The following NWD1 variants were observed in gnomAD, a reference collection of about 807,000 sequenced individuals.
The protein encoded by NWD1 is NACHT and WD repeat domain containing 1, also known as NACHT domain- and WD repeat-containing protein 1.
A neutral mutation model predicts 135.1 loss-of-function variants in NWD1; 129 were observed. The ratio of observed to expected loss-of-function variants is 0.96; its 90% CI spans 0.83 to 1.11. The LOEUF (loss-of-function observed/expected upper bound fraction) is 1.11. Among genes scored for constraint, NWD1 ranks in the 50% least tolerant of loss-of-function variants. The pLI, the probability that NWD1 is intolerant of heterozygous loss-of-function variation, is 0.00. For missense variants in NWD1, 1,740 were observed against 1,851.3 expected, an observed-to-expected ratio of 0.94 and a Z score of 1.10; for synonymous variants, 773 against 786.0, an observed-to-expected ratio of 0.98 and a Z score of 0.28.
At position 16,807,725 on chromosome 19, in the gene NWD1, C is replaced by A. The variant is rs755347777; in HGVS notation, c.3876C>A (p.Cys1292Ter). 1.2e-6 allele frequency: 2 copies of A among 1,613,388 alleles called. No individual in the cohort carries two copies. Among genetic ancestry groups the A allele is most frequent in the Non-Finnish European group, 1.7e-6 (2 of 1,179,614 alleles). ...FPLNSRQDVI[C>*]IPPPEARKAI... ...TGAATTCCAGGCAGGACGTGATATG[C>A]ATTCCCCCTCCCGAGGCCCGGAAAG... is the stretch of plus-strand genomic sequence containing the variant. The change falls in exon 18 of 19, where the codon TGC becomes TGA. Residue 1292 changes from cysteine to a stop codon, truncating the protein, a stop_gained. Transcript: ENST00000524140. LOFTEE classifies it high-confidence loss of function.
intron 1 of NWD1, among the ~76,000 whole-genome samples, chr19:16,721,851 C>T (rs983280119): frequency 2.3e-4 from 35 of 152,116 alleles, no homozygotes; most frequent in Non-Finnish European, 3.5e-4. Context: ...TGGCTCATGC[C>T]TCTAATCCCA....
chr19:16,742,737 C>G (rs1330170531), intron 4 of NWD1, among the ~76,000 whole-genome samples: 1 of 151,954 alleles, frequency 6.6e-6, no homozygotes, highest in South Asian at 2.1e-4. Flanking sequence ...ATGGCGCAAT[C>G]TCGGCTCACC....
At chr19:16,797,695 G>A in intron 15 of NWD1, 37 bp from the exon 16 acceptor site, 3 of 1,596,098 alleles carry the variant, frequency 1.9e-6, no homozygotes, top group Non-Finnish European at 2.6e-6. Context: ...ATCTCCTCTG[G>A]ACATGAGAGG....
At position 16,749,882 on chromosome 19, in the gene NWD1, G is replaced by T; in HGVS notation, c.1240G>T (p.Val414Phe). The change falls in exon 6 of 19, where the codon GTC becomes TTC. Residue 414 changes from valine (V) to phenylalanine (F), a missense_variant. Physicochemically the swap from Val to Phe is conservative, Grantham distance 50. Transcript: ENST00000524140. ...GGTTCTGGACGCCCACACCAGGGTG[G>T]TCCAGTTTTTCCATACCCTCCTCCA... ...AQVLDAHTRV[V>F]QFFHTLLHTV... 1 of 1,613,492 alleles carries T rather than the reference G, an allele frequency of 6.2e-7. No homozygotes were observed. Among genetic ancestry groups the T allele is most frequent in the Admixed American group, 1.7e-5 (1 of 60,008 alleles).
intron 17 of NWD1, chr19:16,801,631 A>C (rs1970604794): frequency 6.7e-6 from 1 of 148,186 alleles, no homozygotes; most frequent in African/African-American, 2.5e-5. Flanking sequence ...TGGTAGGATC[A>C]CTTGAGCCCA....
intron 2 of NWD1, among the ~76,000 whole-genome samples, chr19:16,729,772 G>T (rs1967481296): frequency 6.6e-6 from 1 of 151,856 alleles, no homozygotes; most frequent in Non-Finnish European, 1.5e-5. Context: ...AGGAGGCTGA[G>T]GCAGGAGAAT....
At chr19:16,812,639 A>T in intron 18 of NWD1, 1 of 732,380 alleles carries the variant, frequency 1.4e-6, no homozygotes, top group Non-Finnish European at 2.5e-6. Context: ...ACTGCACTCC[A>T]GCCTGGGCAA....
chr19:16,779,464 A>C lies in NWD1; in HGVS notation c.2730A>C (p.Thr910=), dbSNP rs1434881340. The part of the protein sequence containing the change: ...QHVIHMLTGH[T]GEVRCVKIFA... The stretch of plus-strand genomic sequence containing the variant: ...TGATCCACATGCTAACTGGACACAC[A>C]GGTGAGACTTGGGAAGTGGGCTTTG... Residue 910 remains threonine (T), a splice_region_variant and synonymous_variant, in exon 12 of 19, where the codon ACA becomes ACC. Transcript: ENST00000524140. The C allele has an allele frequency of 6.2e-7, 1 of 1,612,872 alleles. No homozygotes were observed. Among genetic ancestry groups the C allele is most frequent in the Admixed American group, 1.7e-5 (1 of 60,002 alleles).
chr19:16,797,232 C>CA (rs1470755096), intron 15 of NWD1, among the ~76,000 whole-genome samples: 1 of 151,778 alleles, frequency 6.6e-6, no homozygotes, highest in African/African-American at 2.4e-5. Flanking sequence ...CTCCCCCAAC[C>CA]AGCTGTGGGC....
Position 16,762,210 on chromosome 19 carries a change from C to A in NWD1, c.2133+72C>A. ...CCTGGCATTGCTCACCTCCTTCCTT[C>A]CCCTTTTTGCACTCGAAATGTCCTC... On this transcript the variant is annotated intron_variant, in intron 8 of 18. Transcript: ENST00000524140. 4 of 1,415,582 alleles carry A rather than the reference C, an allele frequency of 2.8e-6. No homozygotes were observed. The Admixed American group carries it at 7.8e-5, about 28-fold the overall frequency. 87.7% of individuals were successfully genotyped at this position (1,415,582 alleles called of 1,614,324 possible).
At chr19:16,761,922 C>T in intron 7 of NWD1, 57 bp from the exon 8 acceptor site, 1 of 1,472,722 alleles carries the variant, frequency 6.8e-7, no homozygotes, top group South Asian at 1.2e-5. Flanking sequence ...AGACAAGCAG[C>T]CACCTTTGAG....
At chr19:16,800,204 T>C in intron 17 of NWD1, 42 bp downstream of exon 17, 1 of 1,535,578 alleles carries the variant, frequency 6.5e-7, no homozygotes, top group African/African-American at 1.4e-5. Context: ...GGGTAAGGCT[T>C]GGAGCCATCT....
At chr19:16,743,783 A>G (rs780187684) in intron 4 of NWD1, among the ~76,000 whole-genome samples, 8 of 152,012 alleles carry the variant, frequency 5.3e-5, no homozygotes, top group Non-Finnish European at 8.8e-5. Context: ...CCCGGGTTCA[A>G]GCAATTCTCC....
intron 7 of NWD1, among the ~76,000 whole-genome samples, chr19:16,760,588 A>T (rs1472895108): frequency 2.6e-5 from 4 of 151,056 alleles, no homozygotes; most frequent in Non-Finnish European, 5.9e-5. Context: ...TTATTTATTT[A>T]ATTTTATTTT....
intron 6 of NWD1, among the ~76,000 whole-genome samples, chr19:16,758,999 G>T (rs1968899117): frequency 1.5e-5 from 1 of 67,398 alleles, no homozygotes; most frequent in African/African-American, 7.1e-5. Context: ...GTGAAACTCT[G>T]TCTCAAAAAA....
At chr19:16,799,491 G>A (rs1047958527) in intron 16 of NWD1, among the ~76,000 whole-genome samples, 2 of 151,758 alleles carry the variant, frequency 1.3e-5, no homozygotes, top group Middle Eastern at 3.2e-3. Flanking sequence ...ACTGCACCTG[G>A]CCTATTTATT....
At chr19:16,771,235 TG>T (rs1356167957) in intron 10 of NWD1, among the ~76,000 whole-genome samples, 4 of 152,200 alleles carry the variant, frequency 2.6e-5, no homozygotes, top group Non-Finnish European at 5.9e-5. Context: ...GCAGATTGCT[TG>T]AGGCCAGGAG....
intron 10 of NWD1, among the ~76,000 whole-genome samples, chr19:16,772,067 T>C (rs368521595): frequency 2.6e-5 from 4 of 152,120 alleles, no homozygotes; most frequent in African/African-American, 9.6e-5. Flanking sequence ...TGATCCTACT[T>C]TTATTGAAAA....
chr19:16,769,910 G>T (rs768483329), intron 10 of NWD1, among the ~76,000 whole-genome samples: 2 of 152,046 alleles, frequency 1.3e-5, no homozygotes, highest in African/African-American at 4.8e-5. Flanking sequence ...TGATCATAGC[G>T]CACAGCACCT....
Sources: allele counts gnomAD v4.1 joint callset (sites outside exome capture counted in the v4.1 genomes callset), GRCh38; gene constraint gnomAD v4.1.1; transcripts MANE v1.5; gene names NCBI Gene and HGNC (gene_info 2026-07-23, HGNC 2026-07-21).